PTPRD: variants seen among roughly 807,000 people sequenced by gnomAD.
PTPRD encodes the protein protein tyrosine phosphatase receptor type D.
Under a neutral mutation model 214.5 loss-of-function variants are expected in PTPRD, and 34 were observed. The ratio of observed to expected loss-of-function variants is 0.16; its 90% CI spans 0.12 to 0.21. PTPRD has a LOEUF of 0.21. Among genes scored for constraint, PTPRD ranks in the 10% least tolerant of loss-of-function variants. The pLI is 1.00. For missense variants in PTPRD, 2,545 were observed against 2,398.7 expected, an observed-to-expected ratio of 1.06 and a Z score of -1.27; for synonymous variants, 1,128 against 845.7, an observed-to-expected ratio of 1.33 and a Z score of -5.79.
chr9:10,332,572 A>G (rs1295193707), intron 3 of PTPRD, among the ~76,000 whole-genome samples: 1 of 151,848 alleles, frequency 6.6e-6, no homozygotes, highest in Non-Finnish European at 1.5e-5. Context: ...ACATAGTATG[A>G]CATACTACAT....
chr9:8,930,647 C>T (rs913224466), intron 11 of PTPRD, among the ~76,000 whole-genome samples: 27 of 152,254 alleles, frequency 1.8e-4, no homozygotes, highest in African/African-American at 5.5e-4. Flanking sequence ...TTTTAATGAT[C>T]ACCATTCTAA....
At chr9:10,070,050 C>T (rs968277160) in intron 3 of PTPRD, among the ~76,000 whole-genome samples, 2 of 151,978 alleles carry the variant, frequency 1.3e-5, no homozygotes, top group Non-Finnish European at 2.9e-5. Flanking sequence ...TGGTGTGAAG[C>T]AGGGGAATGT....
chr9:9,939,326 TG>T (rs780401941), intron 4 of PTPRD, among the ~76,000 whole-genome samples: 11 of 152,132 alleles, frequency 7.2e-5, no homozygotes, highest in Admixed American at 1.3e-4. Flanking sequence ...TGCTCCAGTT[TG>T]GTAGACAACT....
intron 9 of PTPRD, among the ~76,000 whole-genome samples, chr9:9,237,957 T>C (rs1456170973): frequency 6.6e-6 from 1 of 152,202 alleles, no homozygotes; most frequent in Non-Finnish European, 1.5e-5. Flanking sequence ...TTCTGCCTTT[T>C]GTCACCTTTG....
Position 8,518,412 on chromosome 9 carries a change from C to T in PTPRD, c.979G>A (p.Gly327Arg), listed in dbSNP as rs1353039582. The T allele has an allele frequency of 6.2e-7, 1 of 1,605,044 alleles. No individual in the cohort carries two copies. The highest frequency in any genetic ancestry group is 1.3e-5 in the African/African-American group (1 of 74,368). Residue 327 changes from glycine (G) to arginine (R), a missense_variant, in exon 21 of 46, where the codon GGA (glycine) becomes AGA (arginine). By Grantham distance (125) the Gly-to-Arg change is moderately radical. Transcript: ENST00000381196. Reference protein sequence around the residue: ...ITVKALPKPPGTPVVTESTAT... With the variant: ...ITVKALPKPPRTPVVTESTAT... ...GTGCTCTCGGTCACTACAGGAGTTC[C>T]TGGAGGTTTGGGTAAGGCTTGGATG...
At chr9:9,321,353 C>G (rs1459679529) in intron 9 of PTPRD, among the ~76,000 whole-genome samples, 1 of 151,976 alleles carries the variant, frequency 6.6e-6, no homozygotes, top group East Asian at 1.9e-4. Flanking sequence ...GTCGGGAGTT[C>G]ACGACCAGCC....
At chr9:8,425,661 G>GT (rs1412724821) in intron 35 of PTPRD, among the ~76,000 whole-genome samples, 4 of 145,182 alleles carry the variant, frequency 2.8e-5, no homozygotes, top group East Asian at 3.9e-4. Context: ...TTTTTGTTTT[G>GT]TTTTTTTGTT....
At chr9:10,481,873 A>C (rs1208403941) in intron 2 of PTPRD, among the ~76,000 whole-genome samples, 2 of 152,148 alleles carry the variant, frequency 1.3e-5, no homozygotes, top group Non-Finnish European at 2.9e-5. Context: ...CAGCAGATTC[A>C]TTTGCTTCTG....
rs563252229 is a variant in PTPRD, at chr9:10,110,368, A to T, written c.-544-76578T>A. On this transcript the variant is annotated intron_variant, in intron 3 of 45. Transcript: ENST00000381196. The stretch of plus-strand genomic sequence containing the variant: ...TGTCTTAGGTTCGGTCCTTTCTTCA[A>T]CATCGCATGACTAAGAAGCAGTGTC... 8.5e-5 allele frequency among the ~76,000 whole-genome samples: 13 copies of T among 152,258 alleles called. No individual in the cohort carries two copies. The South Asian group carries it at 2.3e-3, about 27-fold the overall frequency.
chr9:10,317,772 C>A (rs528578524), intron 3 of PTPRD, among the ~76,000 whole-genome samples: 1 of 151,896 alleles, frequency 6.6e-6, no homozygotes, highest in Non-Finnish European at 1.5e-5. Context: ...CATTTGGCCC[C>A]AATGTGGTCT....
chr9:8,829,186 T>TA (rs1429067918), intron 11 of PTPRD, among the ~76,000 whole-genome samples: 2 of 152,186 alleles, frequency 1.3e-5, no homozygotes, highest in African/African-American at 4.8e-5. Context: ...TAACAAATGT[T>TA]ATGTCTACAT....
At chr9:8,325,037 T>G (rs1832248620) in intron 44 of PTPRD, among the ~76,000 whole-genome samples, 1 of 151,334 alleles carries the variant, frequency 6.6e-6, no homozygotes, top group African/African-American at 2.4e-5. Flanking sequence ...TTTCCTCCCA[T>G]TCTGTAGGTT....
At chr9:10,331,547 G>A (rs186576945) in intron 3 of PTPRD, among the ~76,000 whole-genome samples, 22 of 151,902 alleles carry the variant, frequency 1.4e-4, no homozygotes, top group Non-Finnish European at 2.2e-4. Context: ...TAAAGAATTT[G>A]GTGCTGAAAG....
intron 3 of PTPRD, among the ~76,000 whole-genome samples, chr9:10,275,550 G>A (rs890619251): frequency 6.6e-6 from 1 of 152,058 alleles, no homozygotes; most frequent in Admixed American, 6.6e-5. Flanking sequence ...ATCATAGATA[G>A]TGTTATATTT....
At chr9:9,408,337 G>A (rs2074258212) in intron 8 of PTPRD, among the ~76,000 whole-genome samples, 1 of 151,744 alleles carries the variant, frequency 6.6e-6, no homozygotes, top group East Asian at 1.9e-4. Flanking sequence ...TTATGAGAAA[G>A]CATTTAAGAA....
intron 9 of PTPRD, among the ~76,000 whole-genome samples, chr9:9,201,395 G>A (rs1041345898): frequency 1.3e-5 from 2 of 152,140 alleles, no homozygotes; most frequent in Admixed American, 1.3e-4. Flanking sequence ...TTTGGCAAAG[G>A]TGAGTGCAGC....
intron 3 of PTPRD, among the ~76,000 whole-genome samples, chr9:10,084,826 T>C (rs1048652004): frequency 6.6e-6 from 1 of 151,928 alleles, no homozygotes; most frequent in Non-Finnish European, 1.5e-5. Context: ...TGTAGTTTCC[T>C]GGTTCCTATT....
chr9:9,571,851 G>C (rs1052746112), intron 8 of PTPRD, among the ~76,000 whole-genome samples: 1 of 150,816 alleles, frequency 6.6e-6, no homozygotes, highest in Admixed American at 6.6e-5. Flanking sequence ...AACATATACA[G>C]AGCAATTACA....
chr9:8,867,387 A>G (rs984998245), intron 11 of PTPRD, among the ~76,000 whole-genome samples: 1 of 152,162 alleles, frequency 6.6e-6, no homozygotes, highest in Non-Finnish European at 1.5e-5. Context: ...CCAGCAGTCT[A>G]GAAGCAGACT....
Sources: allele counts gnomAD v4.1 joint callset (sites outside exome capture counted in the v4.1 genomes callset), GRCh38; gene constraint gnomAD v4.1.1; transcripts MANE v1.5; gene names NCBI Gene and HGNC (gene_info 2026-07-23, HGNC 2026-07-21).